DRC12: variants seen among roughly 807,000 people sequenced by gnomAD.
DRC12 encodes the protein dynein regulatory complex subunit 12 homolog, also known as dynein regulatory complex protein 12.
the DRC12 span, chr11:119,193,262 G>T: frequency 6.2e-7 from 1 of 1,605,934 alleles, no homozygotes; most frequent in South Asian, 1.1e-5. Flanking sequence ...GGGGCAGTGG[G>T]CCACCAGGGA....
the DRC12 span, chr11:119,195,539 A>G: frequency 7.1e-7 from 1 of 1,405,992 alleles, no homozygotes; most frequent in African/African-American, 1.4e-5. Context: ...GTCTGGACAC[A>G]GGGATGCTTT....
the DRC12 span, chr11:119,193,128 G>T: frequency 6.3e-7 from 1 of 1,598,468 alleles, no homozygotes; most frequent in South Asian, 1.1e-5. Flanking sequence ...GAGAGAAGGG[G>T]CTTGGAGGGT....
chr11:119,193,001 C>T, the DRC12 span: 1 of 692,272 alleles, frequency 1.4e-6, no homozygotes, highest in South Asian at 1.6e-5. Context: ...TGCTGCAGTC[C>T]TCAGTGGTGG....
chr11:119,195,701 T>C, the DRC12 span: 1 of 558,372 alleles, frequency 1.8e-6, no homozygotes, highest in Non-Finnish European at 3.2e-6. Context: ...AGGCTGACTC[T>C]GTACAGAAGT....
chr11:119,190,828 C>G, the DRC12 span: 3 of 1,612,432 alleles, frequency 1.9e-6, no homozygotes, highest in South Asian at 3.3e-5. The surrounding 1 kb of genome is among the most constrained non-coding windows in gnomAD (Gnocchi z 4.2). Flanking sequence ...TGCAGCCTCC[C>G]TTTGGCATGC....
the DRC12 span, chr11:119,195,675 G>T: frequency 5.0e-6 from 3 of 597,254 alleles, no homozygotes; most frequent in African/African-American, 1.9e-5. Context: ...GGAGGATGGA[G>T]TTTTTTCTCT....
the DRC12 span, chr11:119,193,729 C>G: frequency 1.3e-6 from 2 of 1,549,192 alleles, no homozygotes; most frequent in African/African-American, 2.7e-5. Context: ...TCCTCCAAGC[C>G]CCTGTCTCCT....
chr11:119,190,283 TG>T, the DRC12 span: 4 of 1,613,996 alleles, frequency 2.5e-6, no homozygotes, highest in Non-Finnish European at 3.4e-6. The surrounding 1 kb of genome is among the most constrained non-coding windows in gnomAD (Gnocchi z 4.2). Context: ...ACTTTATTGC[TG>T]GGGCCTCAGA....
the DRC12 span, chr11:119,190,832 G>C: frequency 6.2e-7 from 1 of 1,612,246 alleles, no homozygotes; most frequent in Non-Finnish European, 8.5e-7. This position sits in a 1 kb window ranked among gnomAD's most constrained non-coding sequence, Gnocchi z 4.2. Context: ...GCCTCCCTTT[G>C]GCATGCCTCT....
At chr11:119,194,580 A>T in the DRC12 span, among the ~76,000 whole-genome samples, 2 of 141,482 alleles carry the variant, frequency 1.4e-5, no homozygotes, top group East Asian at 4.2e-4. Flanking sequence ...GGTGGTGTGC[A>T]CCTGTAATAC....
chr11:119,190,882 CTA>C, the DRC12 span: 3 of 1,594,070 alleles, frequency 1.9e-6, no homozygotes, highest in Admixed American at 5.1e-5. This position sits in a 1 kb window ranked among gnomAD's most constrained non-coding sequence, Gnocchi z 4.2. Context: ...TGGTGACACT[CTA>C]TCCTTGACCA....
the DRC12 span, chr11:119,193,067 G>T: frequency 8.3e-7 from 1 of 1,204,490 alleles, no homozygotes; most frequent in Non-Finnish European, 1.2e-6. Context: ...GCTTTCTGGA[G>T]CAGAGACTTT....
At chr11:119,193,348 C>T in the DRC12 span, 1 of 1,005,308 alleles carries the variant, frequency 9.9e-7, no homozygotes. Flanking sequence ...TCTAGTGGAA[C>T]AGGAGCACAA....
At chr11:119,194,156 G>A in the DRC12 span, among the ~76,000 whole-genome samples, 1 of 151,924 alleles carries the variant, frequency 6.6e-6, no homozygotes, top group Admixed American at 6.6e-5. Context: ...AGGCTTAGGT[G>A]GGAGAATTGC....
At chr11:119,190,529 C>A in the DRC12 span, 2 of 1,594,180 alleles carry the variant, frequency 1.3e-6, no homozygotes, top group Non-Finnish European at 1.7e-6. The surrounding 1 kb of genome is among the most constrained non-coding windows in gnomAD (Gnocchi z 4.2). Context: ...GGTTCATAAG[C>A]TTTCCTTGCC....
the DRC12 span, chr11:119,190,929 A>G: frequency 6.8e-7 from 1 of 1,471,790 alleles, no homozygotes; most frequent in Admixed American, 2.1e-5. This position sits in a 1 kb window ranked among gnomAD's most constrained non-coding sequence, Gnocchi z 4.2. Context: ...GAGACCTCAA[A>G]TGGGCTCGTT....
the DRC12 span, chr11:119,190,960 C>A: frequency 8.2e-7 from 1 of 1,213,234 alleles, no homozygotes. This position sits in a 1 kb window ranked among gnomAD's most constrained non-coding sequence, Gnocchi z 4.2. Flanking sequence ...CCAGCATCAC[C>A]AAATTTCCCG....
chr11:119,194,542 A>AAAAAAAAAAAAAT, the DRC12 span, among the ~76,000 whole-genome samples: 2 of 48,208 alleles, frequency 4.1e-5, no homozygotes, highest in Admixed American at 2.8e-4. Context: ...AAAAAAAAAA[A>AAAAAAAAAAAAAT]AAATAAATAA....
the DRC12 span, chr11:119,193,442 C>T: frequency 1.1e-6 from 1 of 927,006 alleles, no homozygotes; most frequent in Non-Finnish European, 1.6e-6. Flanking sequence ...GACCTACCTC[C>T]CCCAGTCCAG....
Sources: gnomAD v4.1 joint callset for allele counts (sites outside exome capture counted in the v4.1 genomes callset) on GRCh38, gnomAD v4.1.1 for gene constraint, Gnocchi (gnomAD v3.1) non-coding constraint, MANE v1.5 for transcripts, NCBI Gene and HGNC (gene_info 2026-07-23, HGNC 2026-07-21) for gene names.